The following TLE1 variants were observed in gnomAD, a reference collection of about 807,000 sequenced individuals.
TLE1 encodes the protein transducin-like enhancer protein 1.
Under a neutral mutation model 89.8 loss-of-function variants are expected in TLE1, and 21 were observed. The observed-to-expected ratio is 0.23, with a 90% confidence interval of 0.17 to 0.34. The LOEUF (loss-of-function observed/expected upper bound fraction) is 0.34. Ranked by LOEUF, TLE1 falls within the 10% of genes least tolerant of loss-of-function variation. The pLI, the probability that TLE1 is intolerant of heterozygous loss-of-function variation, is 1.00. For missense variants in TLE1, 795 were observed against 1,031.2 expected (o/e 0.77, Z 3.14); for synonymous variants, 447 against 407.6 (o/e 1.10, Z -1.16).
chr9:81,669,462 G>A (rs895515571), intron 4 of TLE1, among the ~76,000 whole-genome samples: 9 of 152,218 alleles, frequency 5.9e-5, no homozygotes, highest in African/African-American at 1.9e-4. Context: ...TAGATCATCA[G>A]CTGAAGTCTG....
At chr9:81,678,198 A>G (rs112079380) in intron 4 of TLE1, among the ~76,000 whole-genome samples, 46 of 152,332 alleles carry the variant, frequency 3.0e-4, no homozygotes, top group Non-Finnish European at 3.8e-4. Flanking sequence ...GAAGGTAAAT[A>G]GAATACAATT....
At chr9:81,670,821 T>C (rs1005673387) in intron 4 of TLE1, among the ~76,000 whole-genome samples, 6 of 152,018 alleles carry the variant, frequency 3.9e-5, no homozygotes, top group South Asian at 2.1e-4. Flanking sequence ...TACACTGACA[T>C]TGATCTGTCT....
intron 8 of TLE1, among the ~76,000 whole-genome samples, chr9:81,625,648 G>A (rs1825803861): frequency 6.6e-6 from 1 of 152,138 alleles, no homozygotes; most frequent in Admixed American, 6.5e-5. Flanking sequence ...CTGAACCTCA[G>A]AGAGCACCCA....
chr9:81,666,397 C>T (rs10119841), intron 4 of TLE1, among the ~76,000 whole-genome samples: 116,113 of 151,632 alleles, frequency 0.77, 44,970 homozygotes, highest in African/African-American at 0.88. Context: ...GGTAATACCA[C>T]ACAATGGCAG....
intron 17 of TLE1, among the ~76,000 whole-genome samples, chr9:81,586,175 G>A (rs1258635414): frequency 1.3e-5 from 2 of 151,932 alleles, no homozygotes; most frequent in Admixed American, 6.6e-5. Context: ...CCACCACCAC[G>A]CCCGGCTAAT....
Position 81,584,019 on chromosome 9 carries a change from T to C in TLE1, c.*179A>G, listed in dbSNP as rs1828000630. ...GCTCCATTTGGTCTATGTAGACAGG[T>C]GACTTTCTGCTGATGGACTTGTCGC... is the stretch of plus-strand genomic sequence containing the variant. On this transcript the variant is annotated 3_prime_UTR_variant, in exon 20 of 20. Transcript: ENST00000376499. 1 of 613,028 alleles carries C rather than the reference T, an allele frequency of 1.6e-6. No homozygotes were observed. The highest frequency in any genetic ancestry group is 2.0e-5 in the South Asian group (1 of 49,528). 38.0% of individuals were successfully genotyped at this position (613,028 alleles called of 1,614,324 possible).
intron 9 of TLE1, among the ~76,000 whole-genome samples, chr9:81,617,794 G>T (rs113315509): frequency 6.6e-6 from 1 of 152,100 alleles, no homozygotes; most frequent in African/African-American, 2.4e-5. Flanking sequence ...GGGAGGCCGA[G>T]GCAGGTGGAT....
In TLE1 at chr9:81,689,496, AGCCGCCGCTCCCACC is replaced by A. The variant is rs934645978; in HGVS notation, c.-1271_-1257del. Among the ~76,000 whole-genome samples, 16 of 152,026 alleles carry A rather than the reference AGCCGCCGCTCCCACC, an allele frequency of 1.1e-4. No individual in the cohort carries two copies. In the South Asian group the frequency reaches 1.2e-3, roughly 12 times the overall value. On this transcript the variant is annotated 5_prime_UTR_variant, in exon 1 of 20. Transcript: ENST00000376499. ...CTGTTTCTGCTGCTGCTGCTTCTGC[AGCCGCCGCTCCCACC>A]GCCGCCGCCGCCCGCGCCTCTCGCG...
chr9:81,598,149 C>T (rs1051469499), intron 14 of TLE1, among the ~76,000 whole-genome samples: 2 of 152,268 alleles, frequency 1.3e-5, no homozygotes, highest in Non-Finnish European at 1.5e-5. Context: ...TGTCAAAAAC[C>T]TTCATTCGCT....
intron 17 of TLE1, among the ~76,000 whole-genome samples, chr9:81,586,118 C>T (rs995521312): frequency 2.0e-5 from 3 of 150,910 alleles, no homozygotes; most frequent in African/African-American, 4.9e-5. Flanking sequence ...CTTGGGTTCA[C>T]GCCATTCTCC....
chr9:81,595,937 C>T (rs1362619174), intron 14 of TLE1, among the ~76,000 whole-genome samples: 1 of 151,744 alleles, frequency 6.6e-6, no homozygotes, highest in East Asian at 1.9e-4. Context: ...AGAGAAATTA[C>T]ACATGTGAGG....
intron 17 of TLE1, 111 bp from the exon 18 acceptor site, chr9:81,585,766 A>C: frequency 2.2e-6 from 3 of 1,383,036 alleles, no homozygotes; most frequent in Non-Finnish European, 2.9e-6. Flanking sequence ...TAATCAGCCA[A>C]GTCCAGACTG....
At chr9:81,655,192 C>T (rs778338864) in intron 4 of TLE1, among the ~76,000 whole-genome samples, 3 of 151,866 alleles carry the variant, frequency 2.0e-5, no homozygotes, top group East Asian at 1.9e-4. Context: ...GGTGAAACCC[C>T]GTCTCTACTC....
chr9:81,641,749 G>A (rs1005682968), intron 6 of TLE1, among the ~76,000 whole-genome samples: 1 of 152,192 alleles, frequency 6.6e-6, no homozygotes, highest in Non-Finnish European at 1.5e-5. Flanking sequence ...CAGGCTGGGC[G>A]CAGTGGCTCA....
At chr9:81,591,931 C>A (rs937012849) in intron 15 of TLE1, among the ~76,000 whole-genome samples, 1 of 152,210 alleles carries the variant, frequency 6.6e-6, no homozygotes, top group Non-Finnish European at 1.5e-5. Flanking sequence ...TCCAGGCAGG[C>A]AGTGGGTACG....
chr9:81,633,239 T>C (rs999478776), intron 8 of TLE1, 109 bp downstream of exon 8: 38 of 1,525,002 alleles, frequency 2.5e-5, no homozygotes, highest in Non-Finnish European at 3.1e-5. Flanking sequence ...ACAGGGAGAG[T>C]GTGCATGTCT....
At chr9:81,650,765 G>A (rs1040913710) in intron 6 of TLE1, among the ~76,000 whole-genome samples, 13 of 152,158 alleles carry the variant, frequency 8.5e-5, no homozygotes, top group African/African-American at 2.9e-4. Context: ...AATTGTTTAT[G>A]CAGAGCTAAG....
intron 6 of TLE1, among the ~76,000 whole-genome samples, chr9:81,635,733 C>A (rs1381760626): frequency 6.6e-6 from 1 of 152,160 alleles, no homozygotes; most frequent in Non-Finnish European, 1.5e-5. Context: ...TTCTACCCAG[C>A]CCACTGATTT....
At chr9:81,686,333 C>T (rs1344256130) in intron 2 of TLE1, among the ~76,000 whole-genome samples, 3 of 152,352 alleles carry the variant, frequency 2.0e-5, no homozygotes, top group Non-Finnish European at 2.9e-5. Context: ...GTTACTCCTA[C>T]AATTGCTGGT....
Sources: gnomAD v4.1 joint callset for allele counts (sites outside exome capture counted in the v4.1 genomes callset) on GRCh38, gnomAD v4.1.1 for gene constraint, MANE v1.5 for transcripts, NCBI Gene and HGNC (gene_info 2026-07-23, HGNC 2026-07-21) for gene names.